SLC24A4: variants seen among roughly 807,000 people sequenced by gnomAD.
The protein encoded by SLC24A4 is solute carrier family 24 member 4.
SLC24A4 carries 53 observed loss-of-function variants against 79.0 expected under a neutral mutation model. That is an observed-to-expected ratio of 0.67 (90% CI 0.54 to 0.84). The LOEUF is 0.84. Among genes scored for constraint, SLC24A4 ranks in the 40% least tolerant of loss-of-function variants. SLC24A4 has a pLI of 0.00. For missense variants in SLC24A4, 731 were observed against 822.0 expected (o/e 0.89, Z 1.35); for synonymous variants, 323 against 323.8 (o/e 1.00, Z 0.03).
chr14:92,392,288 T>C (rs563994733), intron 2 of SLC24A4, among the ~76,000 whole-genome samples: 1 of 151,676 alleles, frequency 6.6e-6, no homozygotes, highest in African/African-American at 2.4e-5. Flanking sequence ...TTTAGAATCA[T>C]TGAAAGAAAA....
intron 2 of SLC24A4, among the ~76,000 whole-genome samples, chr14:92,351,566 G>T (rs946421767): frequency 6.6e-6 from 1 of 152,190 alleles, no homozygotes; most frequent in East Asian, 1.9e-4. Context: ...TACTTGAAAG[G>T]TGCAGGCAGG....
chr14:92,458,552 G>A (rs1893619697), intron 12 of SLC24A4, among the ~76,000 whole-genome samples: 1 of 152,164 alleles, frequency 6.6e-6, no homozygotes, highest in Non-Finnish European at 1.5e-5. Flanking sequence ...CCAGATTCCA[G>A]GTCCCCTTCC....
rs1889390061 is a variant in SLC24A4, at chr14:92,390,253, A to G, written c.242-43659A>G. Among the ~76,000 whole-genome samples the G allele has an allele frequency of 2.0e-5, 3 of 151,458 alleles. No individual in the cohort carries two copies. In the South Asian group the frequency reaches 6.3e-4, roughly 32 times the overall value. ...TCTTTCTCCCTCGCAAAGGGAGAAC[A>G]TTTCTGTCCATCACAATGAGGCATA... On this transcript the variant is annotated intron_variant, in intron 2 of 16. Transcript: ENST00000532405.
At chr14:92,389,175 C>CG (rs1889330780) in intron 2 of SLC24A4, among the ~76,000 whole-genome samples, 1 of 152,130 alleles carries the variant, frequency 6.6e-6, no homozygotes, top group East Asian at 1.9e-4. Flanking sequence ...TGTGTCTATT[C>CG]CTATGTATGT....
intron 2 of SLC24A4, among the ~76,000 whole-genome samples, chr14:92,365,363 T>C (rs1887769941): frequency 6.6e-6 from 1 of 152,238 alleles, no homozygotes; most frequent in Admixed American, 6.5e-5. Flanking sequence ...GTCCTGGTCC[T>C]TGTTTTAGAG....
At chr14:92,388,814 T>C (rs1889309568) in intron 2 of SLC24A4, among the ~76,000 whole-genome samples, 1 of 152,218 alleles carries the variant, frequency 6.6e-6, no homozygotes, top group Admixed American at 6.5e-5. Flanking sequence ...GGCAAGGGCT[T>C]CAGACCCCAG....
In SLC24A4 at chr14:92,324,019, T is replaced by G. The variant is rs919187470; in HGVS notation, c.130+59T>G. ...AGTTGGGGGCTTTGGCTGGGGAGTC[T>G]CGGGGCGGCTGCGAGATGTTTTCCC... On this transcript the variant is annotated intron_variant, in intron 1 of 16. Coordinates refer to ENST00000532405, the MANE Select transcript of SLC24A4 (RefSeq NM_153646.4). 4 of 1,566,190 alleles carry G rather than the reference T, an allele frequency of 2.6e-6. No homozygotes were observed. The African/African-American group carries it at 4.1e-5, about 16-fold the overall frequency.
chr14:92,461,583 C>T (rs972398040), intron 12 of SLC24A4, among the ~76,000 whole-genome samples: 8 of 152,134 alleles, frequency 5.3e-5, no homozygotes, highest in Non-Finnish European at 1.2e-4. Flanking sequence ...AGAGATCTTT[C>T]TCTTCCTCTT....
chr14:92,324,435 G>A (rs1320081478), intron 1 of SLC24A4, among the ~76,000 whole-genome samples: 1 of 152,208 alleles, frequency 6.6e-6, no homozygotes, highest in Non-Finnish European at 1.5e-5. Flanking sequence ...AACCCTAAAG[G>A]CGTTGGGGCA....
intron 2 of SLC24A4, among the ~76,000 whole-genome samples, chr14:92,429,959 T>G (rs913215419): frequency 1.3e-5 from 2 of 152,238 alleles, no homozygotes; most frequent in Admixed American, 6.5e-5. Context: ...CTTATTCTAC[T>G]CCACACCATC....
chr14:92,348,854 C>G (rs1886695432), intron 2 of SLC24A4, among the ~76,000 whole-genome samples: 1 of 152,126 alleles, frequency 6.6e-6, no homozygotes, highest in Non-Finnish European at 1.5e-5. Flanking sequence ...GAGCCAGGCT[C>G]TCATACATGT....
At chr14:92,411,810 A>G (rs1273941203) in intron 2 of SLC24A4, among the ~76,000 whole-genome samples, 1 of 152,232 alleles carries the variant, frequency 6.6e-6, no homozygotes, top group African/African-American at 2.4e-5. Flanking sequence ...GCTTTGGACA[A>G]GACTGTCAAA....
At chr14:92,357,626 G>A (rs1214111397) in intron 2 of SLC24A4, among the ~76,000 whole-genome samples, 1 of 152,222 alleles carries the variant, frequency 6.6e-6, no homozygotes, top group Admixed American at 6.5e-5. Context: ...CCACTGATAT[G>A]AGGTACCTAG....
chr14:92,426,289 C>T (rs542785660), intron 2 of SLC24A4, among the ~76,000 whole-genome samples: 12 of 152,174 alleles, frequency 7.9e-5, no homozygotes, highest in African/African-American at 1.9e-4. Context: ...CTTTCACTCA[C>T]GGTGGAAGGT....
At chr14:92,419,496 T>G (rs200073935) in intron 2 of SLC24A4, among the ~76,000 whole-genome samples, 1 of 152,360 alleles carries the variant, frequency 6.6e-6, no homozygotes, top group East Asian at 1.9e-4. Flanking sequence ...AAGTCTCTCC[T>G]GGAATGTTGC....
At chr14:92,412,156 C>T (rs571057409) in intron 2 of SLC24A4, among the ~76,000 whole-genome samples, 2 of 152,276 alleles carry the variant, frequency 1.3e-5, no homozygotes, top group South Asian at 2.1e-4. Flanking sequence ...GGAAGAAAGC[C>T]TCACGTGTTC....
At chr14:92,448,183 A>G (rs1595297961) in intron 9 of SLC24A4, among the ~76,000 whole-genome samples, 1 of 152,190 alleles carries the variant, frequency 6.6e-6, no homozygotes, top group Admixed American at 6.5e-5. Context: ...GGAATTAATG[A>G]TTAGTGGGAA....
Position 92,456,189 on chromosome 14 carries a change from A to G in SLC24A4, c.1051-215A>G, listed in dbSNP as rs188837215. 1.5e-3 allele frequency among the ~76,000 whole-genome samples: 234 copies of G among 152,292 alleles called. 2 individuals carry two copies. The highest frequency in any genetic ancestry group is 5.5e-3 in the African/African-American group (228 of 41,558). ...GAAGGGGTGGCCCAGGCCCTCTGAT[A>G]AATCCTCAAAGTTTTCCTGGTAACC... is the stretch of plus-strand genomic sequence containing the variant. On this transcript the variant is annotated intron_variant, in intron 11 of 16. Coordinates refer to ENST00000532405, the MANE Select transcript of SLC24A4 (RefSeq NM_153646.4).
At position 92,493,738 on chromosome 14, in the gene SLC24A4, G is replaced by C; in HGVS notation, c.*110G>C. 2 of 1,264,366 alleles carry C rather than the reference G, an allele frequency of 1.6e-6. 1 individual carries two copies. Among genetic ancestry groups the C allele is most frequent in the Non-Finnish European group, 2.2e-6 (2 of 918,910 alleles). 78.3% of individuals were successfully genotyped at this position (1,264,366 alleles called of 1,614,324 possible). ...TCTCCTGCATAGGCAGCCACTGTCC[G>C]TTCTTTCACACACTGGAAGGAAGAG... On this transcript the variant is annotated 3_prime_UTR_variant, in exon 17 of 17. Transcript: ENST00000532405.
Sources: allele counts gnomAD v4.1 joint callset (sites outside exome capture counted in the v4.1 genomes callset), GRCh38; gene constraint gnomAD v4.1.1; transcripts MANE v1.5; gene names NCBI Gene and HGNC (gene_info 2026-07-23, HGNC 2026-07-21).